The following PCSK2 variants were observed in gnomAD, a reference collection of about 807,000 sequenced individuals.
PCSK2 encodes neuroendocrine convertase 2.
In PCSK2, 14 loss-of-function variants were observed where a neutral mutation model predicts 69.7. The observed-to-expected ratio is 0.20, with a 90% confidence interval of 0.13 to 0.31. The LOEUF (loss-of-function observed/expected upper bound fraction) is 0.31. PCSK2 is among the 10% of genes least tolerant of loss of function. PCSK2 has a pLI of 1.00. For synonymous variants in PCSK2, 307 were observed against 320.7 expected, an observed-to-expected ratio of 0.96 and a Z score of 0.46; for missense variants, 544 against 842.5, an observed-to-expected ratio of 0.65 and a Z score of 4.39.
chr20:17,387,219 C>A (rs903166622), intron 5 of PCSK2, among the ~76,000 whole-genome samples: 11 of 152,156 alleles, frequency 7.2e-5, no homozygotes, highest in African/African-American at 2.7e-4. Flanking sequence ...TCATTCAACA[C>A]CTAGTTATTG....
At chr20:17,340,685 T>A (rs770672456) in intron 2 of PCSK2, among the ~76,000 whole-genome samples, 1 of 152,258 alleles carries the variant, frequency 6.6e-6, no homozygotes. Context: ...GAATTTCTTC[T>A]GGTTCTTACG....
chr20:17,420,787 T>A (rs887374378), intron 6 of PCSK2, among the ~76,000 whole-genome samples: 2 of 152,150 alleles, frequency 1.3e-5, no homozygotes, highest in Non-Finnish European at 2.9e-5. Context: ...ATGGAATGAG[T>A]GATCCCTGAA....
intron 1 of PCSK2, among the ~76,000 whole-genome samples, chr20:17,252,460 T>C (rs1054232791): frequency 3.3e-5 from 5 of 152,250 alleles, no homozygotes; most frequent in Admixed American, 3.3e-4. Flanking sequence ...GAGTAACTTA[T>C]GCTTGAGTGC....
chr20:17,247,486 G>A (rs1005552847), intron 1 of PCSK2, among the ~76,000 whole-genome samples: 36 of 152,186 alleles, frequency 2.4e-4, no homozygotes, highest in African/African-American at 8.7e-4. Flanking sequence ...AGCAAATGAT[G>A]TCCAGTGTTC....
chr20:17,256,708 T>A (rs972160014), intron 1 of PCSK2, among the ~76,000 whole-genome samples: 19 of 152,030 alleles, frequency 1.2e-4, no homozygotes, highest in African/African-American at 4.1e-4. Flanking sequence ...CGTGCCATGG[T>A]GGTTTGCTGC....
chr20:17,262,600 T>A (rs540811119), intron 2 of PCSK2, among the ~76,000 whole-genome samples: 2 of 152,340 alleles, frequency 1.3e-5, no homozygotes, highest in South Asian at 4.1e-4. Context: ...GCAACTATTC[T>A]GAACCAAAAA....
rs200960496 is a variant in PCSK2, at chr20:17,360,491, C to T, written c.397-41C>T. ...ATATGTACATGGGTGCTTTACAACA[C>T]CAAACTAATACCATTCTCTGCTTTG... On this transcript the variant is annotated intron_variant, in intron 3 of 11. Transcript: ENST00000262545. 13 of 1,285,062 alleles carry T rather than the reference C, an allele frequency of 1.0e-5. No homozygotes were observed. The East Asian group carries it at 2.8e-4, about 28-fold the overall frequency. 79.6% of individuals were successfully genotyped at this position (1,285,062 alleles called of 1,614,324 possible).
chr20:17,408,879 G>A (rs971147187), intron 5 of PCSK2, among the ~76,000 whole-genome samples: 1 of 152,162 alleles, frequency 6.6e-6, no homozygotes, highest in Admixed American at 6.5e-5. Context: ...CTTGTGATGT[G>A]AGAACTAGAA....
chr20:17,318,452 A>G (rs1351431114), intron 2 of PCSK2, among the ~76,000 whole-genome samples: 2 of 152,222 alleles, frequency 1.3e-5, no homozygotes, highest in Admixed American at 6.5e-5. Flanking sequence ...TCATCATTTC[A>G]TATAGATGAA....
rs902769914 is a variant in PCSK2, at chr20:17,231,559, T to C, written c.177+4077T>C. ...ATATATGGCCTTCTACAGGGAATCC[T>C]AGAAATGGAATTGTTGAGTAAAAGG... On this transcript the variant is annotated intron_variant, in intron 1 of 11. Transcript: ENST00000262545. Among the ~76,000 whole-genome samples the C allele has an allele frequency of 2.0e-5, 3 of 152,252 alleles. No individual in the cohort carries two copies. The East Asian group carries it at 5.8e-4, about 29-fold the overall frequency.
chr20:17,284,557 A>C (rs1988446039), intron 2 of PCSK2, among the ~76,000 whole-genome samples: 1 of 152,230 alleles, frequency 6.6e-6, no homozygotes, highest in South Asian at 2.1e-4. Flanking sequence ...GCAATTTTAG[A>C]ATTGGTCAAC....
At chr20:17,239,699 A>G (rs146456638) in intron 1 of PCSK2, among the ~76,000 whole-genome samples, 136 of 151,646 alleles carry the variant, frequency 9.0e-4, no homozygotes, top group African/African-American at 3.2e-3. Context: ...CAACAAACAT[A>G]TACTGAGTAA....
At chr20:17,475,286 C>A (rs371037506) in intron 11 of PCSK2, among the ~76,000 whole-genome samples, 2 of 151,394 alleles carry the variant, frequency 1.3e-5, no homozygotes, top group South Asian at 4.2e-4. Context: ...AGCAGAAGAC[C>A]ACAGTTAGCA....
At chr20:17,432,349 C>T (rs2032384846) in intron 7 of PCSK2, among the ~76,000 whole-genome samples, 3 of 152,124 alleles carry the variant, frequency 2.0e-5, no homozygotes. Context: ...TTTCAAACTC[C>T]GTGACATGTA....
chr20:17,249,494 G>A (rs1986892560), intron 1 of PCSK2, among the ~76,000 whole-genome samples: 2 of 110,744 alleles, frequency 1.8e-5, no homozygotes, highest in South Asian at 2.9e-4. Context: ...GAGAGAGCGA[G>A]ACTCTGTCTC....
intron 2 of PCSK2, among the ~76,000 whole-genome samples, chr20:17,297,218 G>A (rs1409309055): frequency 6.6e-6 from 1 of 152,236 alleles, no homozygotes; most frequent in South Asian, 2.1e-4. Flanking sequence ...GAAGGAAGCA[G>A]AGAGCGATAC....
chr20:17,293,255 A>G (rs1988757954), intron 2 of PCSK2, among the ~76,000 whole-genome samples: 1 of 152,230 alleles, frequency 6.6e-6, no homozygotes, highest in Admixed American at 6.5e-5. Context: ...CAAATTTTCT[A>G]AGAAGAAACT....
At chr20:17,405,776 G>C (rs2031737867) in intron 5 of PCSK2, among the ~76,000 whole-genome samples, 3 of 152,200 alleles carry the variant, frequency 2.0e-5, no homozygotes, top group Non-Finnish European at 4.4e-5. Context: ...ACCAGGGATG[G>C]GTTTTTTTCC....
At chr20:17,474,426 G>A (rs796282146) in intron 11 of PCSK2, among the ~76,000 whole-genome samples, 9 of 152,166 alleles carry the variant, frequency 5.9e-5, no homozygotes, top group African/African-American at 1.4e-4. Flanking sequence ...CCTGTCTTTC[G>A]GCTTTCCAAG....
Sources: gnomAD v4.1 joint callset for allele counts (sites outside exome capture counted in the v4.1 genomes callset) on GRCh38, gnomAD v4.1.1 for gene constraint, MANE v1.5 for transcripts, NCBI Gene and HGNC (gene_info 2026-07-23, HGNC 2026-07-21) for gene names.